ANO2: variants seen among roughly 807,000 people sequenced by gnomAD.
The protein encoded by ANO2 is anoctamin 2.
Under a neutral mutation model 124.2 loss-of-function variants are expected in ANO2, and 101 were observed. That is an observed-to-expected ratio of 0.81 (90% CI 0.69 to 0.96). The LOEUF is 0.96. Among genes scored for constraint, ANO2 ranks in the 40% least tolerant of loss-of-function variants. The pLI is 0.00. For missense variants in ANO2, 1,293 were observed against 1,274.5 expected, an observed-to-expected ratio of 1.01 and a Z score of -0.22; for synonymous variants, 486 against 482.5, an observed-to-expected ratio of 1.01 and a Z score of -0.09.
At chr12:5,607,445 T>C (rs973462267) in intron 19 of ANO2, among the ~76,000 whole-genome samples, 4 of 151,998 alleles carry the variant, frequency 2.6e-5, no homozygotes, top group Middle Eastern at 6.8e-3. Flanking sequence ...TTAAGTTAGA[T>C]GGCAATATTT....
intron 14 of ANO2, among the ~76,000 whole-genome samples, chr12:5,717,898 C>T (rs989067057): frequency 6.6e-6 from 1 of 152,186 alleles, no homozygotes; most frequent in Admixed American, 6.5e-5. Flanking sequence ...GGACTTTGTT[C>T]CCAATTATTC....
chr12:5,648,334 T>TA (rs1202911603), intron 14 of ANO2, among the ~76,000 whole-genome samples: 1 of 152,214 alleles, frequency 6.6e-6, no homozygotes, highest in East Asian at 1.9e-4. Flanking sequence ...TTGTGCAAAT[T>TA]ACCCACAATT....
At chr12:5,606,744 T>C (rs1453413384) in intron 19 of ANO2, among the ~76,000 whole-genome samples, 4 of 152,154 alleles carry the variant, frequency 2.6e-5, no homozygotes, top group African/African-American at 9.7e-5. Flanking sequence ...CAAAATTATG[T>C]TATTTTTTTC....
At chr12:5,618,266 C>T (rs1944936529) in intron 16 of ANO2, among the ~76,000 whole-genome samples, 1 of 152,238 alleles carries the variant, frequency 6.6e-6, no homozygotes, top group Non-Finnish European at 1.5e-5. Flanking sequence ...CAGAGAACGC[C>T]CATAGACAGA....
chr12:5,802,440 C>T lies in ANO2; in HGVS notation c.991-2869G>A, dbSNP rs189879250. Among the ~76,000 whole-genome samples, 641 of 152,320 alleles carry T rather than the reference C, an allele frequency of 4.2e-3. 3 individuals carry two copies. Among genetic ancestry groups the T allele is most frequent in the Non-Finnish European group, 6.6e-3 (446 of 68,024 alleles). The stretch of plus-strand genomic sequence containing the variant: ...CAGCAATTACGCCTGGATGCCCAGG[C>T]CAGCTCACACGCCTTCTGTCACCTG... On this transcript the variant is annotated intron_variant, in intron 9 of 24. Transcript: ENST00000682330.
At chr12:5,870,488 C>T (rs961530491) in intron 3 of ANO2, 3 of 152,260 alleles carry the variant, frequency 2.0e-5, no homozygotes, top group African/African-American at 7.2e-5. Flanking sequence ...GCTGAAAGAT[C>T]CTGTGACTTC....
intron 4 of ANO2, among the ~76,000 whole-genome samples, chr12:5,840,489 G>A (rs1231244086): frequency 6.6e-6 from 1 of 152,092 alleles, no homozygotes; most frequent in Admixed American, 6.6e-5. Context: ...ACAAGGCACT[G>A]TCCCCATTTT....
intron 14 of ANO2, among the ~76,000 whole-genome samples, chr12:5,711,943 T>A (rs752831938): frequency 6.6e-6 from 1 of 152,132 alleles, no homozygotes; most frequent in Non-Finnish European, 1.5e-5. Context: ...GGTGTCCAAA[T>A]CCTATCTCCA....
At chr12:5,798,755 T>C (rs911910299) in intron 10 of ANO2, among the ~76,000 whole-genome samples, 6 of 152,202 alleles carry the variant, frequency 3.9e-5, no homozygotes, top group African/African-American at 1.2e-4. Flanking sequence ...AAAGAAATGG[T>C]AGCACTTAGT....
chr12:5,910,971 G>T (rs1015515914), intron 3 of ANO2, among the ~76,000 whole-genome samples: 2 of 152,116 alleles, frequency 1.3e-5, no homozygotes, highest in African/African-American at 4.8e-5. Flanking sequence ...ATCTGACAAG[G>T]GTAGGAAACA....
chr12:5,790,717 C>T (rs906143892), intron 10 of ANO2, among the ~76,000 whole-genome samples: 8 of 152,206 alleles, frequency 5.3e-5, no homozygotes, highest in African/African-American at 1.7e-4. Context: ...TGTGACCGAC[C>T]CAAGAAGTTT....
intron 14 of ANO2, among the ~76,000 whole-genome samples, chr12:5,729,990 G>A (rs1302404375): frequency 6.6e-6 from 1 of 152,148 alleles, no homozygotes; most frequent in South Asian, 2.1e-4. Context: ...TGTTACCCAC[G>A]GCTTGGCAAC....
intron 19 of ANO2, among the ~76,000 whole-genome samples, chr12:5,603,437 C>G (rs1944037986): frequency 6.6e-6 from 1 of 150,642 alleles, no homozygotes; most frequent in African/African-American, 2.5e-5. Flanking sequence ...TGTAAACTAA[C>G]TTAATTTACT....
chr12:5,762,975 C>T (rs1336864501), intron 10 of ANO2, among the ~76,000 whole-genome samples: 1 of 151,924 alleles, frequency 6.6e-6, no homozygotes, highest in East Asian at 1.9e-4. Flanking sequence ...GTTTTTCATA[C>T]AACTATGTCA....
At chr12:5,761,499 C>T (rs960764334) in intron 10 of ANO2, among the ~76,000 whole-genome samples, 1 of 152,112 alleles carries the variant, frequency 6.6e-6, no homozygotes, top group Non-Finnish European at 1.5e-5. Flanking sequence ...TAATTTGGAT[C>T]CAACTGCCCT....
chr12:5,643,871 T>C (rs560130662), intron 15 of ANO2, among the ~76,000 whole-genome samples: 23 of 152,302 alleles, frequency 1.5e-4, no homozygotes, highest in African/African-American at 5.5e-4. Flanking sequence ...TCCTATTTTG[T>C]ACTGAATTAC....
chr12:5,694,820 G>A (rs555134406), intron 14 of ANO2, among the ~76,000 whole-genome samples: 5 of 152,100 alleles, frequency 3.3e-5, no homozygotes, highest in African/African-American at 7.2e-5. Context: ...TGAGAGCATG[G>A]CCCTGGGTCA....
At chr12:5,806,159 A>G in intron 8 of ANO2, 66 bp from the exon 9 acceptor site, 3 of 1,503,356 alleles carry the variant, frequency 2.0e-6, no homozygotes, top group Admixed American at 2.0e-5. Context: ...CAAAGGAGAA[A>G]GGATTTTCTT....
At chr12:5,678,967 C>T (rs1355279618) in intron 14 of ANO2, among the ~76,000 whole-genome samples, 2 of 152,314 alleles carry the variant, frequency 1.3e-5, no homozygotes, top group East Asian at 1.9e-4. Flanking sequence ...GTATAGCTCA[C>T]ATCAATGCCA....
Sources: gnomAD v4.1 joint callset for allele counts (sites outside exome capture counted in the v4.1 genomes callset) on GRCh38, gnomAD v4.1.1 for gene constraint, MANE v1.5 for transcripts, NCBI Gene and HGNC (gene_info 2026-07-23, HGNC 2026-07-21) for gene names.